The following HNF1B variants were observed in gnomAD, a reference collection of about 807,000 sequenced individuals.
The protein encoded by HNF1B is hepatocyte nuclear factor 1-beta.
Under a neutral mutation model 61.7 loss-of-function variants are expected in HNF1B, and 8 were observed. The observed-to-expected ratio is 0.13, with a 90% CI of 0.08 to 0.23. HNF1B has a LOEUF of 0.23. Among genes scored for constraint, HNF1B ranks in the 10% least tolerant of loss-of-function variants. The pLI, the probability that HNF1B is intolerant of heterozygous loss-of-function variation, is 1.00. For synonymous variants in HNF1B, 314 were observed against 287.7 expected, an observed-to-expected ratio of 1.09 and a Z score of -0.93; for missense variants, 562 against 714.5, an observed-to-expected ratio of 0.79 and a Z score of 2.43.
chr17:37,702,598 G>A (rs907970727), intron 6 of HNF1B, among the ~76,000 whole-genome samples: 1 of 152,192 alleles, frequency 6.6e-6, no homozygotes, highest in Non-Finnish European at 1.5e-5. Context: ...TGCCGTTTTT[G>A]AGAAATCTTT....
intron 4 of HNF1B, among the ~76,000 whole-genome samples, chr17:37,726,246 C>T (rs2033493856): frequency 6.6e-6 from 1 of 152,116 alleles, no homozygotes; most frequent in African/African-American, 2.4e-5. Flanking sequence ...CAGTGTGCAA[C>T]AGCTCAAAAC....
At chr17:37,695,156 C>T (rs1167449366) in intron 8 of HNF1B, among the ~76,000 whole-genome samples, 1 of 152,244 alleles carries the variant, frequency 6.6e-6, no homozygotes, top group African/African-American at 2.4e-5. Flanking sequence ...AAAGGCCCTG[C>T]TGCCCTGCAC....
intron 3 of HNF1B, 35 bp from the exon 4 acceptor site, chr17:37,731,865 G>C (rs574135373): frequency 2.9e-6 from 4 of 1,403,340 alleles, no homozygotes; most frequent in African/African-American, 1.4e-5. Flanking sequence ...GTGAGTGAGG[G>C]GGGGCGGGGG....
chr17:37,742,426 T>C (rs953515586), intron 1 of HNF1B, among the ~76,000 whole-genome samples: 2 of 152,158 alleles, frequency 1.3e-5, no homozygotes, highest in Non-Finnish European at 2.9e-5. Flanking sequence ...TCTCTTTGCT[T>C]TTCGTCTTAA....
chr17:37,705,374 G>C (rs1484890573), intron 5 of HNF1B, among the ~76,000 whole-genome samples: 1 of 152,198 alleles, frequency 6.6e-6, no homozygotes, highest in African/African-American at 2.4e-5. Context: ...GCTGGGGATA[G>C]AGCAGTAAGT....
At chr17:37,731,459 T>A in intron 4 of HNF1B, 136 bp downstream of exon 4, 2 of 756,018 alleles carry the variant, frequency 2.6e-6, no homozygotes, top group Non-Finnish European at 4.7e-6. Context: ...GGGGAGTATA[T>A]TCTGGCAATG....
At chr17:37,700,881 C>A (rs946519293) in intron 7 of HNF1B, 102 bp downstream of exon 7, 7 of 1,109,240 alleles carry the variant, frequency 6.3e-6, no homozygotes, top group Middle Eastern at 2.9e-4. Context: ...GGAAAAGTGA[C>A]CAAGCCAATA....
intron 4 of HNF1B, among the ~76,000 whole-genome samples, chr17:37,724,620 T>G (rs886858481): frequency 6.6e-6 from 1 of 152,176 alleles, no homozygotes; most frequent in South Asian, 2.1e-4. Context: ...AAATTTAAAT[T>G]TCAGTCCCCA....
At chr17:37,690,273 C>T (rs940387987) in intron 8 of HNF1B, among the ~76,000 whole-genome samples, 7 of 152,134 alleles carry the variant, frequency 4.6e-5, no homozygotes, top group African/African-American at 1.4e-4. Context: ...TCAGCCCTGG[C>T]ACAGCTAAAG....
intron 8 of HNF1B, among the ~76,000 whole-genome samples, chr17:37,696,250 G>A (rs903287579): frequency 6.6e-6 from 1 of 152,046 alleles, no homozygotes; most frequent in African/African-American, 2.4e-5. Context: ...TTTGAGACCA[G>A]CCTGGGCAAC....
At chr17:37,702,103 A>AC (rs1388798347) in intron 6 of HNF1B, among the ~76,000 whole-genome samples, 1 of 152,086 alleles carries the variant, frequency 6.6e-6, no homozygotes, top group Non-Finnish European at 1.5e-5. Flanking sequence ...AGACACCTGG[A>AC]CCTGCTTCCT....
chr17:37,694,329 T>C (rs559143201), intron 8 of HNF1B, among the ~76,000 whole-genome samples: 14 of 150,328 alleles, frequency 9.3e-5, no homozygotes, highest in Non-Finnish European at 2.1e-4. Flanking sequence ...CTCAGGACTC[T>C]GAGGCAGAAT....
intron 4 of HNF1B, among the ~76,000 whole-genome samples, chr17:37,727,921 C>T (rs897517624): frequency 6.6e-6 from 1 of 151,946 alleles, no homozygotes; most frequent in Non-Finnish European, 1.5e-5. Context: ...CCTTGTTCCC[C>T]CCAGCTCAGT....
intron 4 of HNF1B, among the ~76,000 whole-genome samples, chr17:37,716,531 G>A (rs376182242): frequency 1.3e-4 from 20 of 152,096 alleles, no homozygotes; most frequent in African/African-American, 3.9e-4. Context: ...TGTTTTTCCC[G>A]TAAGCCCTGT....
intron 4 of HNF1B, chr17:37,729,761 G>A (rs1237993696): frequency 6.6e-6 from 1 of 152,254 alleles, no homozygotes; most frequent in African/African-American, 2.4e-5. Flanking sequence ...TCTAGTCCTT[G>A]TTTTGCTACC....
At chr17:37,712,554 CAG>C (rs1401088418) in intron 4 of HNF1B, among the ~76,000 whole-genome samples, 2 of 152,084 alleles carry the variant, frequency 1.3e-5, no homozygotes, top group East Asian at 3.9e-4. Flanking sequence ...GCTCTGAAGG[CAG>C]AGCTAGGTTC....
chr17:37,689,407 AG>A (rs1311466114), intron 8 of HNF1B, among the ~76,000 whole-genome samples: 4 of 152,222 alleles, frequency 2.6e-5, no homozygotes, highest in African/African-American at 4.8e-5. Flanking sequence ...GCAAACAAGA[AG>A]GGCAGATAAG....
intron 1 of HNF1B, 137 bp downstream of exon 1, chr17:37,744,404 A>T: frequency 1.2e-6 from 1 of 833,164 alleles, no homozygotes. Context: ...GTGTTGGGAG[A>T]GAAGCAGAGC....
Position 37,705,036 on chromosome 17 carries a change from C to G in HNF1B, c.1220G>C (p.Gly407Ala). Residue 407 changes from glycine to alanine, a missense_variant, in exon 6 of 9, where the codon GGA becomes GCA. Physicochemically the swap from Gly to Ala is moderately conservative, Grantham distance 60. This residue lies in a region of HNF1B where 211 missense variants were observed against 200.7 expected (regional missense o/e 1.05). Transcript: ENST00000617811. The part of the protein sequence containing the change: ...SPDGKMISVS[G>A]GGLPPVSTLT... ...GGTGCTGACTGGGGGCAAACCTCCT[C>G]CTGAGACTGAGATCTGATGGAGAGA... The G allele has an allele frequency of 1.2e-6, 2 of 1,613,912 alleles. No homozygotes were observed. Among genetic ancestry groups the G allele is most frequent in the Non-Finnish European group, 1.7e-6 (2 of 1,179,898 alleles).
Sources: allele counts gnomAD v4.1 joint callset (sites outside exome capture counted in the v4.1 genomes callset), GRCh38; gene constraint gnomAD v4.1.1; regional missense constraint gnomAD v4.1.1; transcripts MANE v1.5; gene names NCBI Gene and HGNC (gene_info 2026-07-23, HGNC 2026-07-21).